The following NEBL variants were observed in gnomAD, a reference collection of about 807,000 sequenced individuals.
NEBL encodes the protein nebulette.
In NEBL, 122 loss-of-function variants were observed where a neutral mutation model predicts 140.2. The ratio of observed to expected loss-of-function variants is 0.87; its 90% CI spans 0.75 to 1.01. The LOEUF (loss-of-function observed/expected upper bound fraction) is 1.01, where lower values mean the gene tolerates loss of function less well. Ranked by LOEUF, NEBL falls within the 50% of genes least tolerant of loss-of-function variation. The pLI, the probability that NEBL is intolerant of heterozygous loss-of-function variation, is 0.00. For missense variants in NEBL, 1,365 were observed against 1,231.3 expected (o/e 1.11, Z -1.62); for synonymous variants, 436 against 398.9 (o/e 1.09, Z -1.11).
chr10:20,862,751 A>T (rs561173894), intron 7 of NEBL, among the ~76,000 whole-genome samples: 2 of 152,312 alleles, frequency 1.3e-5, no homozygotes, highest in South Asian at 4.1e-4. Flanking sequence ...TTAAGACACA[A>T]TGTTACTCCT....
chr10:21,025,774 G>A (rs1000922503), intron 2 of NEBL, among the ~76,000 whole-genome samples: 1 of 152,008 alleles, frequency 6.6e-6, no homozygotes, highest in Admixed American at 6.6e-5. Context: ...AACCTCTCTG[G>A]CCTCAACTTT....
chr10:20,904,465 AC>A lies in NEBL; in HGVS notation c.357+57206del, dbSNP rs532218472. Among the ~76,000 whole-genome samples, 412 of 152,278 alleles carry A rather than the reference AC, an allele frequency of 2.7e-3. 1 individual carries two copies. The highest frequency in any genetic ancestry group is 0.018 in the South Asian group (86 of 4,830). On this transcript the variant is annotated intron_variant, in intron 4 of 6. Coordinates refer to the NEBL transcript ENST00000417816. The stretch of plus-strand genomic sequence containing the variant: ...CTTTAATGATGCAAGTGATTTGATT[AC>A]CCTCATTTCTTTAACATTCAGGAAA...
At chr10:21,268,824 C>CA (rs1435899766) in intron 1 of NEBL, among the ~76,000 whole-genome samples, 1 of 151,542 alleles carries the variant, frequency 6.6e-6, no homozygotes, top group Non-Finnish European at 1.5e-5. Context: ...TGCACCTGGC[C>CA]AAAAAAATTT....
At chr10:20,961,484 C>G (rs1275002127) in intron 4 of NEBL, among the ~76,000 whole-genome samples, 1 of 152,038 alleles carries the variant, frequency 6.6e-6, no homozygotes, top group Non-Finnish European at 1.5e-5. Context: ...AACTAAGCAC[C>G]GGGTCCTAGA....
chr10:21,163,627 T>C (rs1411194229), intron 2 of NEBL, among the ~76,000 whole-genome samples: 4 of 152,222 alleles, frequency 2.6e-5, no homozygotes, highest in Non-Finnish European at 4.4e-5. Flanking sequence ...CTCCAAGTTC[T>C]CTGTGTTTGG....
chr10:20,879,827 T>A (rs985764862), intron 5 of NEBL, among the ~76,000 whole-genome samples: 2 of 151,362 alleles, frequency 1.3e-5, no homozygotes, highest in Non-Finnish European at 3.0e-5. Context: ...GAGGAGATTT[T>A]AAAAAAAAGC....
chr10:21,041,299 A>G (rs933521535), intron 2 of NEBL, among the ~76,000 whole-genome samples: 2 of 152,188 alleles, frequency 1.3e-5, no homozygotes, highest in Non-Finnish European at 2.9e-5. Flanking sequence ...GAAGGAGAAC[A>G]TGCGGTATTT....
chr10:20,871,986 A>G (rs1446026114), intron 5 of NEBL, among the ~76,000 whole-genome samples: 1 of 152,168 alleles, frequency 6.6e-6, no homozygotes, highest in Admixed American at 6.5e-5. Context: ...CACCTACAAG[A>G]CTAACTGTTT....
chr10:21,214,440 C>T (rs1841958366), intron 3 of NEBL, among the ~76,000 whole-genome samples: 1 of 151,908 alleles, frequency 6.6e-6, no homozygotes, highest in Non-Finnish European at 1.5e-5. Context: ...GTATAACTAC[C>T]CCATACACAC....
At chr10:20,791,573 T>C (rs1433101755) in intron 26 of NEBL, among the ~76,000 whole-genome samples, 4 of 151,990 alleles carry the variant, frequency 2.6e-5, no homozygotes, top group South Asian at 4.2e-4. Flanking sequence ...TTTTTTTTTT[T>C]CCCTACAGAC....
chr10:21,057,542 CT>C lies in NEBL; in HGVS notation c.165-37342del, dbSNP rs5783764. 4.7e-3 allele frequency among the ~76,000 whole-genome samples: 334 copies of C among 71,736 alleles called. 1 individual carries two copies. The highest frequency in any genetic ancestry group is 0.017 in the African/African-American group (294 of 17,064). 47.1% of individuals were successfully genotyped at this position (71,736 alleles called of 152,430 possible). A position where few individuals can be genotyped will look rare whatever the true frequency, so the allele number is the denominator to read the frequency against. On this transcript the variant is annotated intron_variant, in intron 2 of 6. Transcript: ENST00000417816. ...TGATACCTAATAGCCAATGAAATTC[CT>C]TTTTTTTTTTTTTTTTTTTTTTTTG...
At chr10:20,852,726 G>T in intron 9 of NEBL, 77 bp from the exon 10 acceptor site, 1 of 1,220,736 alleles carries the variant, frequency 8.2e-7, no homozygotes. Context: ...AATACAAACT[G>T]CACATTACAA....
intron 3 of NEBL, among the ~76,000 whole-genome samples, chr10:20,997,507 A>C (rs1220240047): frequency 7.3e-6 from 1 of 136,182 alleles, no homozygotes; most frequent in Non-Finnish European, 1.5e-5. Flanking sequence ...AAAAAAAAAA[A>C]AAAAAAACAG....
chr10:21,271,112 T>C (rs1247994711), intron 1 of NEBL, among the ~76,000 whole-genome samples: 2 of 152,206 alleles, frequency 1.3e-5, no homozygotes, highest in African/African-American at 2.4e-5. Context: ...TAGAAGTCCA[T>C]AGACCAATGA....
chr10:20,981,763 A>G (rs1471985522), intron 3 of NEBL, among the ~76,000 whole-genome samples: 10 of 152,168 alleles, frequency 6.6e-5, no homozygotes, highest in Admixed American at 6.5e-4. Context: ...TCTGGCAGCC[A>G]CCTTGCGACC....
At chr10:21,189,445 T>C (rs755890867) in intron 3 of NEBL, among the ~76,000 whole-genome samples, 5 of 152,042 alleles carry the variant, frequency 3.3e-5, no homozygotes, top group Non-Finnish European at 5.9e-5. Context: ...CAGCTTTCTG[T>C]TGTTGCTTTT....
intron 26 of NEBL, among the ~76,000 whole-genome samples, chr10:20,801,021 G>A (rs1837069127): frequency 6.6e-6 from 1 of 152,134 alleles, no homozygotes; most frequent in African/African-American, 2.4e-5. Context: ...GTTCAGCACT[G>A]CCCGTGCTCT....
upstream of NEBL, among the ~76,000 whole-genome samples, chr10:21,176,005 T>C (rs186183742): frequency 4.7e-4 from 71 of 152,144 alleles, 2 homozygotes; most frequent in East Asian, 0.013. Flanking sequence ...TTTTTTTTTT[T>C]CTGAGACAGG....
chr10:21,249,699 C>T (rs1181610968), intron 2 of NEBL, among the ~76,000 whole-genome samples: 1 of 149,752 alleles, frequency 6.7e-6, no homozygotes, highest in Non-Finnish European at 1.5e-5. Flanking sequence ...TTACATGTAT[C>T]TTTAAAAAGC....
Sources: gnomAD v4.1 joint callset for allele counts (sites outside exome capture counted in the v4.1 genomes callset) on GRCh38, gnomAD v4.1.1 for gene constraint, MANE v1.5 for transcripts, NCBI Gene and HGNC (gene_info 2026-07-23, HGNC 2026-07-21) for gene names.